The following ADK variants were observed in gnomAD, a reference collection of about 807,000 sequenced individuals.
ADK encodes the protein N6,N6-dimethyladenosine kinase.
A neutral mutation model predicts 44.7 loss-of-function variants in ADK; 24 were observed. The observed-to-expected ratio is 0.54, with a 90% CI of 0.39 to 0.76. ADK has a LOEUF of 0.76. Among genes scored for constraint, ADK ranks in the 30% least tolerant of loss-of-function variants. ADK has a pLI of 0.00. For missense variants in ADK, 321 were observed against 425.1 expected (o/e 0.76, Z 2.15); for synonymous variants, 128 against 142.6 (o/e 0.90, Z 0.73).
intron 7 of ADK, among the ~76,000 whole-genome samples, chr10:74,561,507 G>T (rs1176409467): frequency 1.3e-5 from 2 of 152,160 alleles, no homozygotes; most frequent in Non-Finnish European, 1.5e-5. Context: ...TATCTGTCTT[G>T]ATCAGGCATC....
intron 7 of ADK, among the ~76,000 whole-genome samples, chr10:74,532,151 A>G (rs1019340369): frequency 1.1e-4 from 17 of 152,194 alleles, no homozygotes; most frequent in Admixed American, 2.0e-4. Flanking sequence ...AAAAAGAAAA[A>G]TCACATGATT....
At chr10:74,572,728 C>T (rs1477761818) in intron 7 of ADK, among the ~76,000 whole-genome samples, 1 of 152,128 alleles carries the variant, frequency 6.6e-6, no homozygotes, top group African/African-American at 2.4e-5. Flanking sequence ...CTCTAAACTT[C>T]CCTTCTCGCT....
chr10:74,523,028 C>T (rs1848900986), intron 6 of ADK, among the ~76,000 whole-genome samples: 1 of 152,130 alleles, frequency 6.6e-6, no homozygotes. Context: ...CTCAAATTAG[C>T]AACATATCTG....
chr10:74,238,954 A>G (rs1845089562), intron 3 of ADK, among the ~76,000 whole-genome samples: 1 of 141,286 alleles, frequency 7.1e-6, no homozygotes, highest in Admixed American at 7.9e-5. Flanking sequence ...TCCACCTTCC[A>G]GTTTCAAATG....
intron 6 of ADK, among the ~76,000 whole-genome samples, chr10:74,474,419 A>T (rs1186454013): frequency 6.6e-6 from 1 of 152,072 alleles, no homozygotes; most frequent in East Asian, 1.9e-4. Context: ...CGTTTTTTAC[A>T]AATTCAGTAG....
chr10:74,186,168 A>G (rs1471345944), intron 1 of ADK, among the ~76,000 whole-genome samples: 2 of 149,384 alleles, frequency 1.3e-5, no homozygotes, highest in Non-Finnish European at 3.0e-5. Context: ...TAATTTACCT[A>G]AAGTCAAATC....
chr10:74,472,122 G>A (rs1299135172), intron 6 of ADK, among the ~76,000 whole-genome samples: 1 of 152,048 alleles, frequency 6.6e-6, no homozygotes, highest in Non-Finnish European at 1.5e-5. Context: ...GGAGAATCAC[G>A]AGTTCAGGAG....
intron 9 of ADK, among the ~76,000 whole-genome samples, chr10:74,646,731 A>G (rs1854067739): frequency 6.6e-6 from 1 of 152,216 alleles, no homozygotes; most frequent in African/African-American, 2.4e-5. Flanking sequence ...GCAGTGCAAA[A>G]TATTGAAGAA....
intron 8 of ADK, among the ~76,000 whole-genome samples, chr10:74,598,862 T>G (rs57586782): frequency 0.043 from 6,563 of 152,306 alleles, 434 homozygotes; most frequent in African/African-American, 0.14. Flanking sequence ...GAATGTGTTT[T>G]TCTCTTATCT....
intron 1 of ADK, among the ~76,000 whole-genome samples, chr10:74,155,963 A>C (rs1167994388): frequency 2.0e-5 from 3 of 152,216 alleles, no homozygotes; most frequent in Non-Finnish European, 4.4e-5. Context: ...TATATTCGCA[A>C]ATTTAATCCT....
intron 3 of ADK, among the ~76,000 whole-genome samples, chr10:74,311,481 C>A (rs2131794119): frequency 6.6e-6 from 1 of 152,226 alleles, no homozygotes; most frequent in Admixed American, 6.5e-5. Flanking sequence ...ATTATTTATT[C>A]TTTCTTTATA....
Position 74,708,693 on chromosome 10 carries a change from A to G in ADK, c.*248A>G, listed in dbSNP as rs1317400521. ...TAAATGCCAATTAAACAAGAATATA[A>G]CATTTCAATAGAAATTTTTATTTCA... On this transcript the variant is annotated 3_prime_UTR_variant, in exon 11 of 11. Transcript: ENST00000539909. 1 of 357,354 alleles carries G rather than the reference A, an allele frequency of 2.8e-6. No homozygotes were observed. The highest frequency in any genetic ancestry group is 5.3e-6 in the Non-Finnish European group (1 of 190,124). 22.1% of individuals were successfully genotyped at this position (357,354 alleles called of 1,614,324 possible). A position where few individuals can be genotyped will look rare whatever the true frequency, so the allele number is the denominator to read the frequency against.
At chr10:74,304,513 C>G (rs1479034744) in intron 3 of ADK, among the ~76,000 whole-genome samples, 1 of 152,066 alleles carries the variant, frequency 6.6e-6, no homozygotes, top group African/African-American at 2.4e-5. Context: ...AAATTTATGA[C>G]TTAGAGTGGA....
intron 4 of ADK, among the ~76,000 whole-genome samples, chr10:74,315,554 C>T (rs2131806844): frequency 6.6e-6 from 1 of 152,230 alleles, no homozygotes; most frequent in Non-Finnish European, 1.5e-5. Flanking sequence ...TGGTTCTTAC[C>T]TCTGCAGTTT....
intron 6 of ADK, among the ~76,000 whole-genome samples, chr10:74,420,278 A>G (rs2133020070): frequency 6.6e-6 from 1 of 152,162 alleles, no homozygotes; most frequent in East Asian, 1.9e-4. Context: ...AAGAGGAAGT[A>G]CAAATAAGCA....
intron 1 of ADK, among the ~76,000 whole-genome samples, chr10:74,170,799 CAAAAAAA>C (rs938297412): frequency 5.7e-5 from 3 of 52,872 alleles, no homozygotes; most frequent in Non-Finnish European, 8.1e-5. Flanking sequence ...GACTCCATCT[CAAAAAAA>C]AAAAAAAAAG....
At chr10:74,459,922 C>T (rs1000901814) in intron 6 of ADK, among the ~76,000 whole-genome samples, 1 of 152,018 alleles carries the variant, frequency 6.6e-6, no homozygotes, top group Admixed American at 6.6e-5. Context: ...AATGTGTTCC[C>T]ACCCCAACCC....
At chr10:74,497,186 A>G (rs534934948) in intron 6 of ADK, among the ~76,000 whole-genome samples, 85 of 152,324 alleles carry the variant, frequency 5.6e-4, no homozygotes, top group Non-Finnish European at 7.6e-4. Context: ...TAATATTTGT[A>G]CATTACTCTC....
At chr10:74,589,190 AAAG>A (rs1851631356) in intron 7 of ADK, 89 bp from the exon 8 acceptor site, 4 of 1,146,456 alleles carry the variant, frequency 3.5e-6, no homozygotes, top group Admixed American at 1.8e-5. Context: ...ATAATTGTGT[AAAG>A]AAGAAGACTG....
Sources: allele counts gnomAD v4.1 joint callset (sites outside exome capture counted in the v4.1 genomes callset), GRCh38; gene constraint gnomAD v4.1.1; transcripts MANE v1.5; gene names NCBI Gene and HGNC (gene_info 2026-07-23, HGNC 2026-07-21).